The following KCNQ2 variants were observed in gnomAD, a reference collection of about 807,000 sequenced individuals.
KCNQ2 encodes potassium voltage-gated channel subfamily Q member 2, also known as potassium voltage-gated channel subfamily KQT member 2.
KCNQ2 carries 14 observed loss-of-function variants against 84.8 expected under a neutral mutation model. The ratio of observed to expected loss-of-function variants is 0.17; its 90% confidence interval spans 0.11 to 0.26. KCNQ2 has a LOEUF of 0.26. KCNQ2 is among the 10% of genes least tolerant of loss of function. The probability of loss-of-function intolerance (pLI) is 1.00; values close to 1 mark genes in which losing one functional copy is unlikely to be tolerated. For missense variants in KCNQ2, 788 were observed against 1,254.0 expected (o/e 0.63, Z 5.61); for synonymous variants, 599 against 554.1 (o/e 1.08, Z -1.14).
At chr20:63,450,273 G>A (rs1346045300) in intron 1 of KCNQ2, among the ~76,000 whole-genome samples, 1 of 151,042 alleles carries the variant, frequency 6.6e-6, no homozygotes, top group Admixed American at 6.6e-5. Context: ...CAGAGGTCAC[G>A]GCCCAGCACA....
Position 63,472,632 on chromosome 20 carries a change from C to G in KCNQ2, c.-169G>C, listed in dbSNP as rs886056924. On this transcript the variant is annotated 5_prime_UTR_variant, in exon 1 of 17. Coordinates refer to ENST00000359125, the MANE Select transcript of KCNQ2 (RefSeq NM_172107.4). ...GCGCGCGGAGACGCTGCGGCCACCTCGCTCCGCGCGCACCTCGGCGCCTGG... is the reference window on the plus strand; with the variant it reads ...GCGCGCGGAGACGCTGCGGCCACCTGGCTCCGCGCGCACCTCGGCGCCTGG... The G allele has an allele frequency of 6.7e-6, 2 of 300,562 alleles. No homozygotes were observed. Among genetic ancestry groups the G allele is most frequent in the Non-Finnish European group, 9.7e-6 (2 of 206,418 alleles). The allele number at this position is 300,562 out of a possible 1,614,324, so 18.6% of individuals were successfully genotyped here. A position where few individuals can be genotyped will look rare whatever the true frequency, so the allele number is the denominator to read the frequency against.
intron 4 of KCNQ2, chr20:63,443,820 G>A (rs1278159871): frequency 6.6e-6 from 1 of 152,280 alleles, no homozygotes; most frequent in Non-Finnish European, 1.5e-5. Flanking sequence ...ATTCCCCTGA[G>A]CCTCCTGGCC....
intron 10 of KCNQ2, among the ~76,000 whole-genome samples, chr20:63,428,027 C>T (rs909350893): frequency 4.6e-5 from 7 of 152,222 alleles, no homozygotes; most frequent in African/African-American, 1.4e-4. Flanking sequence ...ACCTGAGTTA[C>T]CACCAGGCAC....
chr20:63,410,019 G>A (rs2145509856), intron 15 of KCNQ2: 2 of 283,128 alleles, frequency 7.1e-6, no homozygotes, highest in South Asian at 3.0e-5. Context: ...TCTGTTGCGA[G>A]AAACAGAGAG....
chr20:63,439,363 C>T (rs747982968), intron 6 of KCNQ2, among the ~76,000 whole-genome samples: 18 of 152,250 alleles, frequency 1.2e-4, no homozygotes, highest in Non-Finnish European at 2.1e-4. Flanking sequence ...CCTGAAGCTA[C>T]AGCCGCAGCC....
chr20:63,406,637 C>T lies in KCNQ2; in HGVS notation c.*7G>A, dbSNP rs775335818. 14 of 1,585,144 alleles carry T rather than the reference C, an allele frequency of 8.8e-6. No homozygotes were observed. Among genetic ancestry groups the T allele is most frequent in the African/African-American group, 8.1e-5 (6 of 74,530 alleles). On this transcript the variant is annotated 3_prime_UTR_variant, in exon 17 of 17. Coordinates refer to ENST00000359125, the MANE Select transcript of KCNQ2 (RefSeq NM_172107.4). ...GCCGCGGGCGGGTCCACTGGCCCAG[C>T]GCCGCCTCACTTCCTGGGCCCGGCC... is the stretch of plus-strand genomic sequence containing the variant.
rs947870760 is a variant in KCNQ2 at position 63,460,041 on chromosome 20, G to A, written c.296+12127C>T. 5 of 152,186 alleles carry A rather than the reference G, an allele frequency of 3.3e-5. No individual in the cohort carries two copies. The highest frequency in any genetic ancestry group is 1.3e-4 in the Admixed American group (2 of 15,280). The allele number at this position is 152,186 out of a possible 1,614,324, so 9.4% of individuals were successfully genotyped here. A position where few individuals can be genotyped will look rare whatever the true frequency, so the allele number is the denominator to read the frequency against. ...CGGGGACCTTGTGAGCTGTAGAATC[G>A]CCCCTTCTTCTGTGGCTGAAGCTTG... On this transcript the variant is annotated intron_variant, in intron 1 of 16. Coordinates refer to ENST00000359125, the MANE Select transcript of KCNQ2 (RefSeq NM_172107.4). This position sits in a 1 kb window ranked among gnomAD's most constrained non-coding sequence, Gnocchi z 5.4.
intron 1 of KCNQ2, among the ~76,000 whole-genome samples, chr20:63,464,401 G>A (rs911060992): frequency 6.6e-6 from 1 of 152,032 alleles, no homozygotes; most frequent in Non-Finnish European, 1.5e-5. Context: ...ACCTGGCACG[G>A]GGTCTGTGGT....
chr20:63,444,710 C>T lies in KCNQ2; in HGVS notation c.639G>A (p.Arg213=), dbSNP rs1370701272. 1.9e-6 allele frequency: 3 copies of T among 1,594,392 alleles called. No individual in the cohort carries two copies. The South Asian group carries it at 3.4e-5, about 18-fold the overall frequency. Residue 213 remains arginine (R), a synonymous_variant, in exon 4 of 17, where the codon CGG becomes CGA. Coordinates refer to ENST00000359125, the MANE Select transcript of KCNQ2 (RefSeq NM_172107.4). The stretch of plus-strand genomic sequence containing the variant: ...CCAGCAGCTTCCAGGTGCCTCCCCG[C>T]CGGTCCATGCGGATCATCCGCAGAA... ...LQILRMIRMD[R]RGGTWKLLGS...
intron 5 of KCNQ2, among the ~76,000 whole-genome samples, chr20:63,440,883 A>G (rs1600760343): frequency 2.0e-5 from 3 of 151,896 alleles, no homozygotes; most frequent in Non-Finnish European, 4.4e-5. Flanking sequence ...GCGAGGCCTG[A>G]CCAAGAAACC....
At chr20:63,448,719 C>A (rs2081510918) in intron 1 of KCNQ2, 2 of 152,324 alleles carry the variant, frequency 1.3e-5, no homozygotes, top group Non-Finnish European at 2.9e-5. Flanking sequence ...GATGCCCCGA[C>A]CTGCAGGGCC....
At chr20:63,419,353 G>A (rs2080396202) in intron 12 of KCNQ2, among the ~76,000 whole-genome samples, 1 of 152,214 alleles carries the variant, frequency 6.6e-6, no homozygotes, top group South Asian at 2.1e-4. Context: ...CGCCTTGCTG[G>A]GTTCAGAGCC....
At chr20:63,411,831 C>A in intron 15 of KCNQ2, 1 of 698,418 alleles carries the variant, frequency 1.4e-6, no homozygotes, top group Non-Finnish European at 2.6e-6. Context: ...TGGTGGGGTA[C>A]TTCTTGTGCC....
At chr20:63,426,262 C>T (rs1180705836) in intron 10 of KCNQ2, among the ~76,000 whole-genome samples, 1 of 152,226 alleles carries the variant, frequency 6.6e-6, no homozygotes, top group East Asian at 1.9e-4. Context: ...ACAAGAGGCC[C>T]CTCTGCACAT....
intron 15 of KCNQ2, chr20:63,412,219 C>T (rs1452508397): frequency 3.8e-6 from 1 of 260,508 alleles, no homozygotes; most frequent in Non-Finnish European, 7.4e-6. Flanking sequence ...AACGCATTGT[C>T]AGGAGCCGGC....
chr20:63,467,450 G>A (rs958256754), intron 1 of KCNQ2, among the ~76,000 whole-genome samples: 3 of 152,130 alleles, frequency 2.0e-5, no homozygotes, highest in Non-Finnish European at 2.9e-5. Context: ...ACAGGGCTGA[G>A]GCTAGCCTGG....
In KCNQ2 at chr20:63,442,938, C is replaced by CCAT. The variant is rs1568935261; in HGVS notation, c.691-408_691-407insATG. Among the ~76,000 whole-genome samples, 142 of 21,188 alleles carry CCAT rather than the reference C, an allele frequency of 6.7e-3. 2 individuals carry two copies. Among genetic ancestry groups the CCAT allele is most frequent in the African/African-American group, 0.021 (116 of 5,534 alleles). 13.9% of individuals were successfully genotyped at this position (21,188 alleles called of 152,430 possible). A position where few individuals can be genotyped will look rare whatever the true frequency, so the allele number is the denominator to read the frequency against. ...ACCATCACCACCATCACCATCACCA[C>CCAT]CACCATCACCATCATCACCATCACC... is the stretch of plus-strand genomic sequence containing the variant. On this transcript the variant is annotated intron_variant, in intron 4 of 16. Transcript: ENST00000359125.
intron 1 of KCNQ2, among the ~76,000 whole-genome samples, chr20:63,457,132 C>T (rs1016175348): frequency 2.0e-5 from 3 of 152,216 alleles, no homozygotes; most frequent in African/African-American, 4.8e-5. Context: ...AGGCGTGAAC[C>T]GGGCATGAAC....
At chr20:63,463,146 C>T (rs1174372232) in intron 1 of KCNQ2, among the ~76,000 whole-genome samples, 1 of 151,986 alleles carries the variant, frequency 6.6e-6, no homozygotes, top group Non-Finnish European at 1.5e-5. Flanking sequence ...GGTCATCTCC[C>T]AGCTACTCAG....
Sources: allele counts gnomAD v4.1 joint callset (sites outside exome capture counted in the v4.1 genomes callset), GRCh38; gene constraint gnomAD v4.1.1; non-coding constraint Gnocchi (gnomAD v3.1); transcripts MANE v1.5; gene names NCBI Gene and HGNC (gene_info 2026-07-23, HGNC 2026-07-21).